GPRIN3: variants seen among roughly 807,000 people sequenced by gnomAD.
GPRIN3 encodes the protein GPRIN family member 3.
Under a neutral mutation model 13.7 loss-of-function variants are expected in GPRIN3, and 12 were observed. That is an observed-to-expected ratio of 0.87 (90% CI 0.56 to 1.42). The LOEUF (loss-of-function observed/expected upper bound fraction) is 1.42, where lower values mean the gene tolerates loss of function less well. GPRIN3 is among the 40% of genes most tolerant of loss of function. The pLI is 0.00. For synonymous variants in GPRIN3, 377 were observed against 372.7 expected (o/e 1.01, Z -0.13); for missense variants, 1,009 against 958.7 (o/e 1.05, Z -0.69).
rs565435541 is a variant in GPRIN3, at chr4:89,250,178, G to A, written c.-68C>T. ...GGTCCCACTGGTGGGGGAGGGGAGC[G>A]CAGTCAGAGCTCAGAGTGATGACAC... On this transcript the variant is annotated 5_prime_UTR_variant, in exon 2 of 2. Coordinates refer to ENST00000609438, the MANE Select transcript of GPRIN3 (RefSeq NM_198281.3). 2.8e-5 allele frequency: 43 copies of A among 1,537,088 alleles called. No homozygotes were observed. Among genetic ancestry groups the A allele is most frequent in the Admixed American group, 2.8e-4 (14 of 50,396 alleles).
rs35077666 is a variant in GPRIN3, at chr4:89,249,474, A to T, written c.637T>A (p.Ser213Thr). Reference sequence around the variant, plus strand: ...CCTTCAGGTCCACCTACAGGAGAGGATGAGTGACTGACCACCCTGGCTGCT... The same window carrying T: ...CCTTCAGGTCCACCTACAGGAGAGGTTGAGTGACTGACCACCCTGGCTGCT... Reference protein sequence around the residue: ...VTAARVVSHSSSPVGGPEGER... With the variant: ...VTAARVVSHSTSPVGGPEGER... The change falls in exon 2 of 2, where the codon TCC becomes ACC. Residue 213 changes from serine (S) to threonine (T), a missense_variant. Transcript: ENST00000609438. 231 of 1,613,996 alleles carry T rather than the reference A, an allele frequency of 1.4e-4. No individual in the cohort carries two copies. The African/African-American group carries it at 2.5e-3, about 17-fold the overall frequency.
intron 1 of GPRIN3, among the ~76,000 whole-genome samples, chr4:89,275,136 C>CTGTG (rs56091424): frequency 2.8e-4 from 42 of 149,252 alleles, no homozygotes; most frequent in African/African-American, 4.5e-4. Flanking sequence ...CTAAGTAACT[C>CTGTG]TGTGTGTGTG....
intron 1 of GPRIN3, among the ~76,000 whole-genome samples, chr4:89,305,825 C>A (rs1372460856): frequency 6.6e-6 from 1 of 152,216 alleles, no homozygotes; most frequent in Non-Finnish European, 1.5e-5. Context: ...TGGAATCCAG[C>A]CTGCCCTCCA....
At chr4:89,303,091 T>C (rs1260099283) in intron 1 of GPRIN3, among the ~76,000 whole-genome samples, 1 of 152,016 alleles carries the variant, frequency 6.6e-6, no homozygotes, top group East Asian at 1.9e-4. Context: ...CTTCTCTAAC[T>C]TTGTCTCTTC....
intron 1 of GPRIN3, among the ~76,000 whole-genome samples, chr4:89,268,130 G>A (rs1723832784): frequency 6.6e-6 from 1 of 152,162 alleles, no homozygotes; most frequent in Non-Finnish European, 1.5e-5. Flanking sequence ...TTTTCCAACA[G>A]ACCAGTGAAA....
intron 1 of GPRIN3, 82 bp from the exon 2 acceptor site, chr4:89,250,315 A>C (rs1723293493): frequency 2.9e-6 from 3 of 1,042,830 alleles, no homozygotes; most frequent in Middle Eastern, 3.4e-4. Flanking sequence ...TTTTTATAAG[A>C]GCACATTAAA....
At chr4:89,253,936 G>GCT (rs1723398174) in intron 1 of GPRIN3, among the ~76,000 whole-genome samples, 1 of 152,164 alleles carries the variant, frequency 6.6e-6, no homozygotes, top group South Asian at 2.1e-4. Flanking sequence ...AAATCTATGG[G>GCT]CTCCAGTGGG....
At chr4:89,303,210 C>G (rs139472074) in intron 1 of GPRIN3, among the ~76,000 whole-genome samples, 1 of 152,182 alleles carries the variant, frequency 6.6e-6, no homozygotes, top group Non-Finnish European at 1.5e-5. Flanking sequence ...GAGCAACTGA[C>G]GAAAAGAAAA....
At chr4:89,270,565 T>TTATATATATA (rs1199230242) in intron 1 of GPRIN3, among the ~76,000 whole-genome samples, 1,043 of 82,044 alleles carry the variant, frequency 0.013, 13 homozygotes, top group South Asian at 0.029. Flanking sequence ...TGTATATAAT[T>TTATATATATA]TATATATATA....
intron 1 of GPRIN3, among the ~76,000 whole-genome samples, chr4:89,260,877 A>G (rs1469661465): frequency 1.3e-5 from 2 of 152,234 alleles, no homozygotes; most frequent in East Asian, 3.8e-4. Context: ...ACATCCATTC[A>G]TTTATTTAAT....
At chr4:89,254,342 A>C (rs1370010071) in intron 1 of GPRIN3, among the ~76,000 whole-genome samples, 1 of 151,992 alleles carries the variant, frequency 6.6e-6, no homozygotes, top group Non-Finnish European at 1.5e-5. Flanking sequence ...TATTAAGCCT[A>C]GTACCCATTA....
intron 1 of GPRIN3, among the ~76,000 whole-genome samples, chr4:89,285,833 T>C (rs1724391161): frequency 6.6e-6 from 1 of 152,164 alleles, no homozygotes; most frequent in Non-Finnish European, 1.5e-5. Context: ...TATGGATAAG[T>C]AGCTTGTTAG....
intron 1 of GPRIN3, among the ~76,000 whole-genome samples, chr4:89,285,241 G>A (rs1835679): frequency 0.53 from 80,386 of 151,002 alleles, 22,922 homozygotes; most frequent in Non-Finnish European, 0.63. Flanking sequence ...AACATTAGGA[G>A]AAATACCTAA....
chr4:89,305,830 C>T (rs1725019724), intron 1 of GPRIN3, among the ~76,000 whole-genome samples: 3 of 152,188 alleles, frequency 2.0e-5, no homozygotes, highest in Admixed American at 2.0e-4. Context: ...TCCAGCCTGC[C>T]CTCCAATTGA....
rs1722848253 is a variant in GPRIN3 at position 89,238,736 on chromosome 4, A to G, written c.*9044T>C. ...TTTCATTGCAAATACTTCCAGTTCC[A>G]CTGCAGATTCCTAGCAGAAGCTGTC... is the stretch of plus-strand genomic sequence containing the variant. On this transcript the variant is annotated 3_prime_UTR_variant, in exon 2 of 2. Transcript: ENST00000609438. 1 of 152,214 alleles carries G rather than the reference A, an allele frequency of 6.6e-6. No individual in the cohort carries two copies. The highest frequency in any genetic ancestry group is 1.5e-5 in the Non-Finnish European group (1 of 68,034). The allele number at this position is 152,214 out of a possible 1,614,324, so 9.4% of individuals were successfully genotyped here.
chr4:89,249,129 C>A lies in GPRIN3; in HGVS notation c.982G>T (p.Val328Phe). 1 of 1,614,212 alleles carries A rather than the reference C, an allele frequency of 6.2e-7. No homozygotes were observed. Among genetic ancestry groups the A allele is most frequent in the Non-Finnish European group, 8.5e-7 (1 of 1,180,036 alleles). Residue 328 changes from valine to phenylalanine, a missense_variant, in exon 2 of 2, where the codon GTC (valine) becomes TTC (phenylalanine). Transcript: ENST00000609438. ...CTGGTGGAGACGGATCTGCTCTCGA[C>A]ACTCGCCACTGCCTGCACCTCCGCA... ...QDAEVQAVAS[V>F]ESRSVSTSPS...
chr4:89,303,991 C>G (rs966910396), intron 1 of GPRIN3, among the ~76,000 whole-genome samples: 3 of 152,086 alleles, frequency 2.0e-5, no homozygotes, highest in African/African-American at 7.2e-5. Flanking sequence ...TTAAATATAA[C>G]TGCCATTACT....
rs1723007948 is a variant in GPRIN3 at position 89,243,619 on chromosome 4, C to G, written c.*4161G>C. Reference sequence around the variant, plus strand: ...CACTTATGCAAGATACTGCTGAGTTCACTGTTCTACCACAAAGGGAAATTC... The same window carrying G: ...CACTTATGCAAGATACTGCTGAGTTGACTGTTCTACCACAAAGGGAAATTC... On this transcript the variant is annotated 3_prime_UTR_variant, in exon 2 of 2. Transcript: ENST00000609438. The G allele has an allele frequency of 6.6e-6, 1 of 152,172 alleles. No individual in the cohort carries two copies. Among genetic ancestry groups the G allele is most frequent in the Non-Finnish European group, 1.5e-5 (1 of 68,036 alleles). 9.4% of individuals were successfully genotyped at this position (152,172 alleles called of 1,614,324 possible).
chr4:89,269,049 G>T (rs982010953), intron 1 of GPRIN3, among the ~76,000 whole-genome samples: 1 of 152,166 alleles, frequency 6.6e-6, no homozygotes, highest in African/African-American at 2.4e-5. Context: ...GGCTATGAAG[G>T]TTCATGACAG....
Sources: gnomAD v4.1 joint callset for allele counts (sites outside exome capture counted in the v4.1 genomes callset) on GRCh38, gnomAD v4.1.1 for gene constraint, MANE v1.5 for transcripts, NCBI Gene and HGNC (gene_info 2026-07-23, HGNC 2026-07-21) for gene names.